Variants in WFDC11 observed in about 807,000 individuals in gnomAD.
The protein encoded by WFDC11 is WAP four-disulfide core domain 11.
A neutral mutation model predicts 9.9 loss-of-function variants in WFDC11; 9 were observed. The observed-to-expected ratio is 0.91, with a 90% confidence interval of 0.55 to 1.58. WFDC11 has a LOEUF of 1.58. WFDC11 is among the 40% of genes most tolerant of loss of function. The probability of loss-of-function intolerance (pLI) is 0.00; values close to 1 mark genes in which losing one functional copy is unlikely to be tolerated. For missense variants in WFDC11, 106 were observed against 101.7 expected, an observed-to-expected ratio of 1.04 and a Z score of -0.18; for synonymous variants, 32 against 33.3, an observed-to-expected ratio of 0.96 and a Z score of 0.13.
intron 1 of WFDC11, among the ~76,000 whole-genome samples, chr20:45,669,618 G>A (rs1379555477): frequency 6.6e-6 from 1 of 152,056 alleles, no homozygotes; most frequent in East Asian, 1.9e-4. Context: ...GAAGTTTTTT[G>A]AAACTAATAA....
At chr20:45,652,731 T>C (rs1982837104) in intron 2 of WFDC11, among the ~76,000 whole-genome samples, 1 of 152,024 alleles carries the variant, frequency 6.6e-6, no homozygotes. Context: ...AGAGAAGTCC[T>C]TAAAGGAATT....
At chr20:45,659,626 C>T (rs1405488331) in intron 2 of WFDC11, among the ~76,000 whole-genome samples, 7 of 152,018 alleles carry the variant, frequency 4.6e-5, no homozygotes, top group East Asian at 1.9e-4. Context: ...CTTTGTCAGA[C>T]GGATAGATTG....
In WFDC11 at chr20:45,667,729, T is replaced by C. The variant is rs572856265; in HGVS notation, c.-133-560A>G. The stretch of plus-strand genomic sequence containing the variant: ...GTCACTAATCATCTCTGTGCCTCAA[T>C]TTCCTCATTTTTAAAGTGAGAATAG... On this transcript the variant is annotated intron_variant, in intron 1 of 4. Coordinates refer to ENST00000324384, the MANE Select transcript of WFDC11 (RefSeq NM_147197.2). 8.5e-5 allele frequency among the ~76,000 whole-genome samples: 13 copies of C among 152,342 alleles called. No individual in the cohort carries two copies. In the East Asian group the frequency reaches 2.3e-3, roughly 27 times the overall value.
At chr20:45,664,640 T>G (rs1206994914) in intron 2 of WFDC11, among the ~76,000 whole-genome samples, 2 of 152,226 alleles carry the variant, frequency 1.3e-5, no homozygotes, top group African/African-American at 4.8e-5. Context: ...CAGCATTTCT[T>G]GTCTGTAAAG....
chr20:45,649,522 C>A (rs1288224190), intron 3 of WFDC11, 123 bp from the exon 4 acceptor site: 3 of 1,251,006 alleles, frequency 2.4e-6, no homozygotes, highest in Non-Finnish European at 3.3e-6. Flanking sequence ...ACCAAGATAT[C>A]TATTTGCCTT....
chr20:45,664,842 C>T (rs898315430), intron 2 of WFDC11, among the ~76,000 whole-genome samples: 2 of 152,090 alleles, frequency 1.3e-5, no homozygotes, highest in African/African-American at 4.8e-5. Flanking sequence ...CTCTGGGTGC[C>T]CTTAACATTT....
intron 2 of WFDC11, among the ~76,000 whole-genome samples, chr20:45,659,705 C>A (rs1210986413): frequency 6.6e-6 from 1 of 152,130 alleles, no homozygotes; most frequent in African/African-American, 2.4e-5. Context: ...TGTGCAGAAG[C>A]TCTTTAGTTT....
At chr20:45,655,559 CAT>C (rs1982910679) in intron 2 of WFDC11, among the ~76,000 whole-genome samples, 1 of 152,164 alleles carries the variant, frequency 6.6e-6, no homozygotes, top group Non-Finnish European at 1.5e-5. Flanking sequence ...TCCTATTCAA[CAT>C]AGTGTTGGAA....
intron 4 of WFDC11, among the ~76,000 whole-genome samples, chr20:45,648,996 A>G (rs1381763717): frequency 6.6e-6 from 1 of 152,232 alleles, no homozygotes; most frequent in Non-Finnish European, 1.5e-5. Flanking sequence ...CAAATTTAGG[A>G]AAAATAGCAA....
At chr20:45,654,441 G>C (rs140965603) in intron 2 of WFDC11, among the ~76,000 whole-genome samples, 2,127 of 152,280 alleles carry the variant, frequency 0.014, 88 homozygotes, top group Admixed American at 0.099. Context: ...AGTGTGTAGA[G>C]GGAAATTTAT....
chr20:45,663,412 G>A (rs765419906), intron 2 of WFDC11, among the ~76,000 whole-genome samples: 3 of 151,616 alleles, frequency 2.0e-5, no homozygotes, highest in Non-Finnish European at 2.9e-5. Flanking sequence ...GTGTTTTTTT[G>A]TGTCTCTAAC....
intron 1 of WFDC11, among the ~76,000 whole-genome samples, chr20:45,669,879 A>G (rs1368854712): frequency 6.6e-6 from 1 of 152,154 alleles, no homozygotes; most frequent in Admixed American, 6.6e-5. Flanking sequence ...CCATGAAACC[A>G]AAAGTTGGTT....
At chr20:45,666,666 A>T (rs1479121992) in intron 2 of WFDC11, among the ~76,000 whole-genome samples, 1 of 152,186 alleles carries the variant, frequency 6.6e-6, no homozygotes, top group Non-Finnish European at 1.5e-5. Flanking sequence ...ACTTTTATCT[A>T]TTCTATCATG....
chr20:45,663,878 T>C (rs909029229), intron 2 of WFDC11, among the ~76,000 whole-genome samples: 1 of 152,192 alleles, frequency 6.6e-6, no homozygotes, highest in Non-Finnish European at 1.5e-5. Context: ...AAGTGCGATG[T>C]GGTGCTGAGA....
chr20:45,652,884 A>G (rs1489504529), intron 2 of WFDC11, among the ~76,000 whole-genome samples: 1 of 152,220 alleles, frequency 6.6e-6, no homozygotes, highest in Non-Finnish European at 1.5e-5. Flanking sequence ...TTTAGAGAAA[A>G]AAGAATAAAA....
At chr20:45,658,168 A>G (rs1339374580) in intron 2 of WFDC11, among the ~76,000 whole-genome samples, 1 of 152,142 alleles carries the variant, frequency 6.6e-6, no homozygotes, top group East Asian at 1.9e-4. Context: ...AAACATATCC[A>G]TCACCTCCAA....
At chr20:45,657,300 A>G (rs4810463) in intron 2 of WFDC11, among the ~76,000 whole-genome samples, 90,353 of 151,722 alleles carry the variant, frequency 0.6, 27,916 homozygotes, top group East Asian at 0.98. Context: ...GGATGAAGCT[A>G]GAAACCATCA....
In WFDC11 at chr20:45,649,384, A is replaced by G. The variant is rs1568660455; in HGVS notation, c.116T>C (p.Leu39Pro). 1.2e-6 allele frequency: 2 copies of G among 1,614,032 alleles called. No individual in the cohort carries two copies. Among genetic ancestry groups the G allele is most frequent in the South Asian group, 2.2e-5 (2 of 91,064 alleles). Residue 39 changes from leucine (L) to proline (P), a missense_variant, in exon 4 of 5, where the codon CTT becomes CCT. Leu to Pro is a moderately conservative substitution (Grantham distance 98). Coordinates refer to ENST00000324384, the MANE Select transcript of WFDC11 (RefSeq NM_147197.2). ...ATTTGGCTTTCCCCAGCATTCTTCA[A>G]GTAACAATTCCTTCCCTGAAATTGA... Reference protein sequence around the residue: ...KKRYDRKELLLEECWGKPNVK... With the variant: ...KKRYDRKELLPEECWGKPNVK...
chr20:45,648,995 G>A lies in WFDC11; in HGVS notation c.244-256C>T, dbSNP rs1396240244. 8.5e-5 allele frequency among the ~76,000 whole-genome samples: 13 copies of A among 152,244 alleles called. No individual in the cohort carries two copies. The South Asian group carries it at 2.7e-3, about 32-fold the overall frequency. On this transcript the variant is annotated intron_variant, in intron 4 of 4. Transcript: ENST00000324384. ...TGGTTAGAAATCTGGACAAATTTAGGAAAAATAGCAAACTATGGTGTAATA... is the reference window on the plus strand; with the variant it reads ...TGGTTAGAAATCTGGACAAATTTAGAAAAAATAGCAAACTATGGTGTAATA...
Sources: gnomAD v4.1 joint callset for allele counts (sites outside exome capture counted in the v4.1 genomes callset) on GRCh38, gnomAD v4.1.1 for gene constraint, MANE v1.5 for transcripts, NCBI Gene and HGNC (gene_info 2026-07-23, HGNC 2026-07-21) for gene names.